LY9: variants seen among roughly 807,000 people sequenced by gnomAD.
LY9 encodes the protein T-lymphocyte surface antigen Ly-9.
LY9 carries 59 observed loss-of-function variants against 64.6 expected under a neutral mutation model. The ratio of observed to expected loss-of-function variants is 0.91; its 90% CI spans 0.74 to 1.13. LY9 has a LOEUF of 1.13. LY9 is among the 50% of genes most tolerant of loss of function. The pLI is 0.00. For synonymous variants in LY9, 281 were observed against 308.5 expected, an observed-to-expected ratio of 0.91 and a Z score of 0.93; for missense variants, 789 against 797.2, an observed-to-expected ratio of 0.99 and a Z score of 0.12.
Position 160,823,400 on chromosome 1 carries a change from T to C in LY9, c.1499-65T>C, listed in dbSNP as rs1384037370. On this transcript the variant is annotated intron_variant, in intron 7 of 9. Transcript: ENST00000263285. ...CAGGCATCAGAGCAGGCTGGGGCCTTGCAGCAAAGCAAGAAGAGAGGTGGG... is the reference window on the plus strand; with the variant it reads ...CAGGCATCAGAGCAGGCTGGGGCCTCGCAGCAAAGCAAGAAGAGAGGTGGG... The C allele has an allele frequency of 2.3e-6, 3 of 1,303,550 alleles. No homozygotes were observed. In the African/African-American group the frequency reaches 4.4e-5, roughly 19 times the overall value. 80.7% of individuals were successfully genotyped at this position (1,303,550 alleles called of 1,614,324 possible). A position where few individuals can be genotyped will look rare whatever the true frequency, so the allele number is the denominator to read the frequency against.
At chr1:160,813,283 C>CT (rs1295693575) in intron 2 of LY9, 3 of 263,302 alleles carry the variant, frequency 1.1e-5, no homozygotes, top group African/African-American at 2.2e-5. Context: ...CTGGGCCATT[C>CT]ACCTATTTAT....
intron 1 of LY9, among the ~76,000 whole-genome samples, chr1:160,798,032 G>T (rs898050113): frequency 2.6e-5 from 4 of 152,024 alleles, no homozygotes; most frequent in African/African-American, 9.7e-5. Context: ...TTTGTCCTAC[G>T]GTGCAATTCA....
In LY9 at chr1:160,827,963, T is replaced by C. The variant is rs1668949960; in HGVS notation, c.*147T>C. 1.6e-6 allele frequency: 1 copy of C among 629,920 alleles called. No homozygotes were observed. The highest frequency in any genetic ancestry group is 1.8e-5 in the African/African-American group (1 of 54,382). 39.0% of individuals were successfully genotyped at this position (629,920 alleles called of 1,614,324 possible). On this transcript the variant is annotated 3_prime_UTR_variant, in exon 10 of 10. Transcript: ENST00000263285. The stretch of plus-strand genomic sequence containing the variant: ...CCTGGATGTGGCCCCTCCCCCTCCT[T>C]CTCACCCTTAAGGACTCCCAAACCC...
At chr1:160,818,471 C>T in intron 6 of LY9, 152 bp downstream of exon 6, 1 of 588,364 alleles carries the variant, frequency 1.7e-6, no homozygotes. Flanking sequence ...TCAGTTGGGA[C>T]TCTTTACTCA....
At chr1:160,806,658 G>A (rs907422847) in intron 2 of LY9, among the ~76,000 whole-genome samples, 2 of 152,180 alleles carry the variant, frequency 1.3e-5, no homozygotes, top group East Asian at 3.9e-4. Flanking sequence ...CTGTTTTTAT[G>A]ATTTACTCTT....
chr1:160,817,745 C>T (rs1668068932), intron 5 of LY9, among the ~76,000 whole-genome samples: 2 of 152,138 alleles, frequency 1.3e-5, no homozygotes, highest in African/African-American at 2.4e-5. Flanking sequence ...AAGCTGGTTT[C>T]GAACCCTGAG....
chr1:160,804,672 T>C (rs777191772), intron 2 of LY9, among the ~76,000 whole-genome samples: 36 of 152,184 alleles, frequency 2.4e-4, no homozygotes, highest in Non-Finnish European at 4.7e-4. Flanking sequence ...ATATTAGTTA[T>C]TATTTGTATA....
In LY9 at chr1:160,800,003, T is replaced by C. The variant is rs777286780; in HGVS notation, c.375T>C (p.Asp125=). ...SLCISNLTLN[D]AGSYKAQINQ... is the part of the protein sequence containing the mutation. ...GCATCAGCAATCTGACTCTGAATGA[T>C]GCAGGATCCTACAAAGCCCAGATAA... Residue 125 remains aspartate, a synonymous_variant, in exon 2 of 10, where the codon GAT becomes GAC. Transcript: ENST00000263285. 4.3e-6 allele frequency: 7 copies of C among 1,614,236 alleles called. No individual in the cohort carries two copies. Among genetic ancestry groups the C allele is most frequent in the Non-Finnish European group, 5.9e-6 (7 of 1,180,036 alleles).
intron 2 of LY9, chr1:160,810,636 C>T (rs1368996454): frequency 2.6e-5 from 4 of 152,214 alleles, no homozygotes; most frequent in Non-Finnish European, 4.4e-5. Context: ...TCAGCCCTAA[C>T]ATTCTACCCT....
At chr1:160,822,528 C>A (rs1668550401) in intron 7 of LY9, among the ~76,000 whole-genome samples, 1 of 152,200 alleles carries the variant, frequency 6.6e-6, no homozygotes, top group South Asian at 2.1e-4. Context: ...GGTGTTCACC[C>A]ATGCAAGCTC....
At chr1:160,796,441 G>A in intron 1 of LY9, 130 bp downstream of exon 1, 2 of 1,139,468 alleles carry the variant, frequency 1.8e-6, no homozygotes, top group Non-Finnish European at 2.5e-6. Flanking sequence ...TTGCCAGGCT[G>A]GAGTGAAGTG....
At chr1:160,800,911 G>A (rs1207648063) in intron 2 of LY9, among the ~76,000 whole-genome samples, 1 of 152,194 alleles carries the variant, frequency 6.6e-6, no homozygotes, top group Non-Finnish European at 1.5e-5. Flanking sequence ...TCCATGATGT[G>A]TATAAATACA....
Position 160,816,632 on chromosome 1 carries a change from C to A in LY9, c.1111C>A (p.His371Asn), listed in dbSNP as rs1260485217. Reference sequence around the variant, plus strand: ...GCCCAAAATCACGTGGAGCCTCAGGCACAGTGAGGATGGCATCTGCAGGAT... The same window carrying A: ...GCCCAAAATCACGTGGAGCCTCAGGAACAGTGAGGATGGCATCTGCAGGAT... ...RKPKITWSLR[H>N]SEDGICRISL... Residue 371 changes from histidine (H) to asparagine (N), a missense_variant, in exon 5 of 10, where the codon CAC becomes AAC. His to Asn is a moderately conservative substitution (Grantham distance 68). Coordinates refer to ENST00000263285, the MANE Select transcript of LY9 (RefSeq NM_002348.4). The A allele has an allele frequency of 1.2e-6, 2 of 1,612,750 alleles. No homozygotes were observed. The highest frequency in any genetic ancestry group is 2.2e-5 in the East Asian group (1 of 44,860).
rs151334392 is a variant in LY9, at chr1:160,813,979, C to T, written c.730+68C>T. On this transcript the variant is annotated intron_variant, in intron 3 of 9. Coordinates refer to ENST00000263285, the MANE Select transcript of LY9 (RefSeq NM_002348.4). ...ATATGAGCAGCTGTGGAGTCTAAACCCTAGGATCCTGGTCAGACACACAGG... is the reference window on the plus strand; with the variant it reads ...ATATGAGCAGCTGTGGAGTCTAAACTCTAGGATCCTGGTCAGACACACAGG... 72 of 1,510,510 alleles carry T rather than the reference C, an allele frequency of 4.8e-5. 1 individual carries two copies. In the African/African-American group the frequency reaches 9.7e-4, roughly 20 times the overall value. The allele number at this position is 1,510,510 out of a possible 1,614,324, so 93.6% of individuals were successfully genotyped here.
chr1:160,799,546 T>A, intron 1 of LY9: 1 of 529,948 alleles, frequency 1.9e-6, no homozygotes, highest in Non-Finnish European at 3.3e-6. Flanking sequence ...CACAGATTGT[T>A]GTGGCTGCTT....
intron 4 of LY9, among the ~76,000 whole-genome samples, chr1:160,815,812 A>T (rs1667906393): frequency 6.6e-6 from 1 of 152,190 alleles, no homozygotes; most frequent in Non-Finnish European, 1.5e-5. Flanking sequence ...AAGGTGGGCC[A>T]CTCAGTTCCC....
At position 160,826,495 on chromosome 1, in the gene LY9, G is replaced by T. The variant is rs149374558; in HGVS notation, c.1900-1253G>T. Among the ~76,000 whole-genome samples the T allele has an allele frequency of 2.0e-5, 3 of 152,338 alleles. No individual in the cohort carries two copies. The East Asian group carries it at 5.8e-4, about 29-fold the overall frequency. ...ATTCTACTGCTCAAGATCATCACCAGGGTCTGATTTTTCACTCATGCACAA... is the reference window on the plus strand; with the variant it reads ...ATTCTACTGCTCAAGATCATCACCATGGTCTGATTTTTCACTCATGCACAA... On this transcript the variant is annotated intron_variant, in intron 9 of 9. Transcript: ENST00000263285.
intron 8 of LY9, 41 bp downstream of exon 8, chr1:160,823,837 G>T: frequency 6.7e-7 from 1 of 1,482,398 alleles, no homozygotes. Flanking sequence ...CTCCTCCCAT[G>T]TCTAGCGGCA....
At chr1:160,811,858 T>C (rs868369812) in intron 2 of LY9, 7 of 152,256 alleles carry the variant, frequency 4.6e-5, no homozygotes, top group Non-Finnish European at 8.8e-5. Flanking sequence ...AAATTTTCGT[T>C]AACATTCATG....
Sources: allele counts gnomAD v4.1 joint callset (sites outside exome capture counted in the v4.1 genomes callset), GRCh38; gene constraint gnomAD v4.1.1; transcripts MANE v1.5; gene names NCBI Gene and HGNC (gene_info 2026-07-23, HGNC 2026-07-21).